The following NBEA variants were observed in gnomAD, a reference collection of about 807,000 sequenced individuals.
The protein encoded by NBEA is neurobeachin, also known as lysosomal-trafficking regulator 2.
NBEA carries 44 observed loss-of-function variants against 343.4 expected under a neutral mutation model. That is an observed-to-expected ratio of 0.13 (90% CI 0.10 to 0.16). NBEA has a LOEUF of 0.16. Ranked by LOEUF, NBEA falls within the 10% of genes least tolerant of loss-of-function variation. The pLI is 1.00. For synonymous variants in NBEA, 1,175 were observed against 1,238.7 expected (o/e 0.95, Z 1.08); for missense variants, 2,555 against 3,631.3 (o/e 0.70, Z 7.62).
intron 1 of NBEA, among the ~76,000 whole-genome samples, chr13:35,022,105 A>G (rs2061864427): frequency 6.6e-6 from 1 of 152,134 alleles, no homozygotes. Flanking sequence ...AAGAGAATTT[A>G]AAAGTGTATA....
At chr13:35,217,031 C>A (rs1053286969) in intron 33 of NBEA, among the ~76,000 whole-genome samples, 1 of 151,914 alleles carries the variant, frequency 6.6e-6, no homozygotes, top group Admixed American at 6.6e-5. Context: ...TGTGAGTGGT[C>A]CAGTTTCTCC....
chr13:35,373,986 C>T (rs1025218382), intron 38 of NBEA, among the ~76,000 whole-genome samples: 5 of 152,116 alleles, frequency 3.3e-5, no homozygotes, highest in Admixed American at 2.0e-4. Context: ...TAGCCTCCTT[C>T]ATCAGTGATC....
At chr13:35,135,473 A>G (rs1298412854) in intron 17 of NBEA, among the ~76,000 whole-genome samples, 3 of 152,188 alleles carry the variant, frequency 2.0e-5, no homozygotes, top group Non-Finnish European at 4.4e-5. Flanking sequence ...AATACAGTAA[A>G]TGGAGAGCTA....
Position 35,672,682 on chromosome 13 carries a change from A to C in NBEA, c.*1691A>C, listed in dbSNP as rs898743546. 6.5e-6 allele frequency: 1 copy of C among 152,698 alleles called. No individual in the cohort carries two copies. Among genetic ancestry groups the C allele is most frequent in the East Asian group, 1.9e-4 (1 of 5,204 alleles). 9.5% of individuals were successfully genotyped at this position (152,698 alleles called of 1,614,324 possible). ...TTATTGCAAAGATGTAAAATATGCCAGATGTGTGTGAGTTGGAAATCAAAA... is the reference window on the plus strand; with the variant it reads ...TTATTGCAAAGATGTAAAATATGCCCGATGTGTGTGAGTTGGAAATCAAAA... On this transcript the variant is annotated 3_prime_UTR_variant, in exon 59 of 59. Transcript: ENST00000379939.
intron 41 of NBEA, chr13:35,476,296 C>CCTGCTGCTGCTG (rs56240021): frequency 0.031 from 30,187 of 960,460 alleles, 327 homozygotes; most frequent in African/African-American, 0.067. Context: ...CGTTGGTTTC[C>CCTGCTGCTGCTG]CTGCTGCTGC....
At chr13:35,659,457 C>T (rs562278483) in intron 55 of NBEA, among the ~76,000 whole-genome samples, 4 of 152,194 alleles carry the variant, frequency 2.6e-5, no homozygotes, top group South Asian at 2.1e-4. Flanking sequence ...ATTAATTCCA[C>T]GAAGAAAAAA....
intron 51 of NBEA, among the ~76,000 whole-genome samples, chr13:35,648,888 T>G (rs413464): frequency 0.011 from 1,720 of 151,410 alleles, 39 homozygotes; most frequent in African/African-American, 0.038. Context: ...GAGGGGAGCA[T>G]CAGGAAGAAC....
chr13:34,987,102 A>G (rs2060576940), intron 1 of NBEA, among the ~76,000 whole-genome samples: 1 of 150,978 alleles, frequency 6.6e-6, no homozygotes, highest in African/African-American at 2.4e-5. Context: ...TCTTCCTAGC[A>G]TTGATGGTCT....
intron 10 of NBEA, among the ~76,000 whole-genome samples, chr13:35,082,107 C>T (rs2064439004): frequency 6.6e-6 from 1 of 152,092 alleles, no homozygotes; most frequent in South Asian, 2.1e-4. Flanking sequence ...TGATGTTCCC[C>T]TTCCTGTTTC....
intron 55 of NBEA, among the ~76,000 whole-genome samples, chr13:35,660,138 T>A (rs2085013604): frequency 6.6e-6 from 1 of 152,192 alleles, no homozygotes; most frequent in South Asian, 2.1e-4. Context: ...TTCATTGATC[T>A]TAGGACTTGA....
chr13:35,558,756 T>C (rs370049349), intron 44 of NBEA, among the ~76,000 whole-genome samples: 1 of 152,138 alleles, frequency 6.6e-6, no homozygotes, highest in East Asian at 1.9e-4. Context: ...ACAATTGCAT[T>C]AGCCATTTAA....
chr13:35,058,121 CTT>C (rs1411350830), intron 7 of NBEA, among the ~76,000 whole-genome samples: 15 of 151,964 alleles, frequency 9.9e-5, no homozygotes, highest in African/African-American at 3.4e-4. Flanking sequence ...CTGAATTCCT[CTT>C]GTGGAGAGCA....
At chr13:35,522,031 C>G (rs995080357) in intron 41 of NBEA, among the ~76,000 whole-genome samples, 5 of 152,106 alleles carry the variant, frequency 3.3e-5, no homozygotes, top group Non-Finnish European at 7.4e-5. Flanking sequence ...ATAGAAGGAA[C>G]AGTGAGTGCA....
intron 36 of NBEA, among the ~76,000 whole-genome samples, chr13:35,327,194 C>T (rs1004501181): frequency 6.6e-6 from 1 of 152,018 alleles, no homozygotes; most frequent in Non-Finnish European, 1.5e-5. Context: ...TAAAGTAGTT[C>T]AGCCACTGTG....
intron 41 of NBEA, chr13:35,475,560 G>A: frequency 6.2e-7 from 1 of 1,613,502 alleles, no homozygotes. Flanking sequence ...GTCCCGGCCA[G>A]GGGATGTGGG....
chr13:35,671,893 G>A lies in NBEA; in HGVS notation c.*902G>A, dbSNP rs1273273563. ...TGTAGTAATAACTTCCCAGCACCTGGACATCTCTTCCAGAGTTATCCCACT... is the reference window on the plus strand; with the variant it reads ...TGTAGTAATAACTTCCCAGCACCTGAACATCTCTTCCAGAGTTATCCCACT... On this transcript the variant is annotated 3_prime_UTR_variant, in exon 59 of 59. Transcript: ENST00000379939. 2 of 152,460 alleles carry A rather than the reference G, an allele frequency of 1.3e-5. No individual in the cohort carries two copies. Among genetic ancestry groups the A allele is most frequent in the African/African-American group, 4.8e-5 (2 of 41,448 alleles). The allele number at this position is 152,460 out of a possible 1,614,324, so 9.4% of individuals were successfully genotyped here.
chr13:35,277,344 G>A (rs755220882), intron 34 of NBEA, among the ~76,000 whole-genome samples: 18 of 152,084 alleles, frequency 1.2e-4, no homozygotes, highest in Admixed American at 5.2e-4. Context: ...ACATTAGGCC[G>A]GGCGCGGTGG....
chr13:35,032,227 C>T (rs1170838508), intron 1 of NBEA, among the ~76,000 whole-genome samples: 1 of 151,888 alleles, frequency 6.6e-6, no homozygotes, highest in Non-Finnish European at 1.5e-5. Flanking sequence ...AATCGCCATA[C>T]TGCTTTCCAC....
intron 20 of NBEA, 107 bp from the exon 21 acceptor site, chr13:35,156,971 A>C (rs2069216082): frequency 1.1e-6 from 1 of 886,670 alleles, no homozygotes; most frequent in Admixed American, 2.8e-5. Context: ...ACCTTGCTTT[A>C]CTGAGGTCAG....
Sources: allele counts gnomAD v4.1 joint callset (sites outside exome capture counted in the v4.1 genomes callset), GRCh38; gene constraint gnomAD v4.1.1; transcripts MANE v1.5; gene names NCBI Gene and HGNC (gene_info 2026-07-23, HGNC 2026-07-21).